SATB1: variants seen among roughly 807,000 people sequenced by gnomAD.
SATB1 encodes DNA-binding protein SATB1.
SATB1 carries 11 observed loss-of-function variants against 86.9 expected under a neutral mutation model. That is an observed-to-expected ratio of 0.13 (90% CI 0.08 to 0.21). SATB1 has a LOEUF of 0.21. Among genes scored for constraint, SATB1 ranks in the 10% least tolerant of loss-of-function variants. The pLI is 1.00. For synonymous variants in SATB1, 357 were observed against 357.2 expected (o/e 1.00, Z 0.01); for missense variants, 551 against 937.6 (o/e 0.59, Z 5.39).
At chr3:18,379,673 C>T (rs1483302902) in intron 8 of SATB1, among the ~76,000 whole-genome samples, 2 of 152,164 alleles carry the variant, frequency 1.3e-5, no homozygotes, top group Non-Finnish European at 2.9e-5. Context: ...TTAAAATGTG[C>T]CTGCTGAATC....
In SATB1 at chr3:18,443,759, G is replaced by A. The variant is rs1246615779; in HGVS notation, c.-25+1759C>T. On this transcript the variant is annotated intron_variant, in intron 1 of 3. Transcript: ENST00000415069. This position sits in a 1 kb window ranked among gnomAD's most constrained non-coding sequence, Gnocchi z 4.4. Reference sequence around the variant, plus strand: ...GCAATAGGAAAAGGCCACCGCGCTCGGGTCTGGACAGCAGGAGGGAAACAC... The same window carrying A: ...GCAATAGGAAAAGGCCACCGCGCTCAGGTCTGGACAGCAGGAGGGAAACAC... Among the ~76,000 whole-genome samples, 1 of 152,170 alleles carries A rather than the reference G, an allele frequency of 6.6e-6. No homozygotes were observed. The highest frequency in any genetic ancestry group is 1.5e-5 in the Non-Finnish European group (1 of 68,044).
At position 18,444,466 on chromosome 3, in the gene SATB1, C is replaced by A; in HGVS notation, c.-25+1052G>T. ...GAAGACCGTTGAAGCCCTGCGCCCA[C>A]GAGAGGGGAGCCCAGCCGCCCCAAT... On this transcript the variant is annotated intron_variant, in intron 1 of 3. Transcript: ENST00000415069. This position sits in a 1 kb window ranked among gnomAD's most constrained non-coding sequence, Gnocchi z 5.1. 4 of 474,982 alleles carry A rather than the reference C, an allele frequency of 8.4e-6. No individual in the cohort carries two copies. The highest frequency in any genetic ancestry group is 8.2e-6 in the Non-Finnish European group (3 of 363,790). The allele number at this position is 474,982 out of a possible 1,614,324, so 29.4% of individuals were successfully genotyped here. A position where few individuals can be genotyped will look rare whatever the true frequency, so the allele number is the denominator to read the frequency against.
In SATB1 at chr3:18,420,990, A is replaced by C; in HGVS notation, c.-23T>G. ...CATACTCAGTCACTGTCTAAAGATC[A>C]CCTGCCAGAATTTAAAAAGAAGACA... On this transcript the variant is annotated splice_region_variant and 5_prime_UTR_variant, in exon 2 of 11. The change abolishes the stop of an existing upstream ORF in the 5' untranslated region. Coordinates refer to ENST00000338745, the MANE Select transcript of SATB1 (RefSeq NM_002971.6). 2.5e-6 allele frequency: 4 copies of C among 1,609,062 alleles called. No homozygotes were observed. The highest frequency in any genetic ancestry group is 3.4e-6 in the Non-Finnish European group (4 of 1,175,554).
intron 5 of SATB1, among the ~76,000 whole-genome samples, chr3:18,400,425 T>G (rs561370157): frequency 5.3e-5 from 8 of 152,222 alleles, no homozygotes; most frequent in African/African-American, 1.9e-4. Flanking sequence ...GGTCAAATAG[T>G]TGACCATTCC....
At chr3:18,416,870 A>G in intron 3 of SATB1, 32 bp downstream of exon 3, 1 of 1,558,508 alleles carries the variant, frequency 6.4e-7, no homozygotes, top group South Asian at 1.2e-5. Flanking sequence ...AATGCTAAGC[A>G]ATTTTTCCAA....
chr3:18,432,967 C>A (rs1407751384), intron 2 of SATB1, among the ~76,000 whole-genome samples: 2 of 152,064 alleles, frequency 1.3e-5, no homozygotes, highest in Non-Finnish European at 2.9e-5. Context: ...TCCTTACCTG[C>A]TAACAGCTAC....
intron 3 of SATB1, 31 bp downstream of exon 3, chr3:18,416,871 A>C: frequency 1.3e-6 from 2 of 1,559,648 alleles, no homozygotes; most frequent in Non-Finnish European, 1.7e-6. Flanking sequence ...ATGCTAAGCA[A>C]TTTTTCCAAC....
Position 18,423,687 on chromosome 3 carries a change from G to T in SATB1, c.-85C>A, listed in dbSNP as rs1239005612. On this transcript the variant is annotated 5_prime_UTR_variant, in exon 1 of 11. Transcript: ENST00000338745. ...CAAAGGAGATTTCCTTTGCAGCCCG[G>T]GTTCTTGAAGAGAAGTTCAAGACTG... 1 of 150,436 alleles carries T rather than the reference G, an allele frequency of 6.6e-6. No individual in the cohort carries two copies. The highest frequency in any genetic ancestry group is 1.5e-5 in the Non-Finnish European group (1 of 67,770). The allele number at this position is 150,436 out of a possible 1,614,324, so 9.3% of individuals were successfully genotyped here.
At chr3:18,439,339 A>C (rs1037582110), upstream of SATB1, among the ~76,000 whole-genome samples, 4 of 152,218 alleles carry the variant, frequency 2.6e-5, no homozygotes, top group African/African-American at 9.6e-5. Context: ...AAAATAGGCC[A>C]ATATGTTGAA....
intron 2 of SATB1, among the ~76,000 whole-genome samples, chr3:18,436,306 TC>T (rs1699058264): frequency 6.6e-6 from 1 of 152,110 alleles, no homozygotes; most frequent in Admixed American, 6.5e-5. Context: ...GAGGCACTAG[TC>T]CATAATATTT....
chr3:18,378,729 A>G (rs1013265564), intron 8 of SATB1, among the ~76,000 whole-genome samples: 7 of 152,196 alleles, frequency 4.6e-5, no homozygotes, highest in African/African-American at 1.4e-4. Flanking sequence ...CCCGGTGCCT[A>G]ATAGACAATT....
chr3:18,406,452 T>C (rs1484276271), intron 5 of SATB1, among the ~76,000 whole-genome samples: 1 of 152,022 alleles, frequency 6.6e-6, no homozygotes, highest in African/African-American at 2.4e-5. Flanking sequence ...AGTGAAGAAG[T>C]GTGGGTCTCA....
At position 18,444,905 on chromosome 3, in the gene SATB1, G is replaced by A. The variant is rs1326538018; in HGVS notation, c.-25+613C>T. On this transcript the variant is annotated intron_variant, in intron 1 of 3. Transcript: ENST00000415069. This position sits in a 1 kb window ranked among gnomAD's most constrained non-coding sequence, Gnocchi z 5.1. Reference sequence around the variant, plus strand: ...GGAGGGGGAGGGAGGAGATGTTAACGGGCGGGGGGGGGAGAAGGGGGAGGG... The same window carrying A: ...GGAGGGGGAGGGAGGAGATGTTAACAGGCGGGGGGGGGAGAAGGGGGAGGG... 1 of 136,868 alleles carries A rather than the reference G, an allele frequency of 7.3e-6. No individual in the cohort carries two copies. The highest frequency in any genetic ancestry group is 1.6e-5 in the Non-Finnish European group (1 of 62,266). 8.5% of individuals were successfully genotyped at this position (136,868 alleles called of 1,614,324 possible). A position where few individuals can be genotyped will look rare whatever the true frequency, so the allele number is the denominator to read the frequency against.
chr3:18,415,047 C>T, intron 5 of SATB1, 64 bp downstream of exon 5: 1 of 1,585,216 alleles, frequency 6.3e-7, no homozygotes, highest in Middle Eastern at 1.7e-4. Context: ...CAGGGAGCTC[C>T]ATCAAACCTC....
chr3:18,431,548 G>A (rs527281657), intron 2 of SATB1, among the ~76,000 whole-genome samples: 52 of 152,270 alleles, frequency 3.4e-4, no homozygotes, highest in Non-Finnish European at 1.0e-4. Context: ...AATCAGAATG[G>A]CTGAGGATGA....
chr3:18,415,101 T>C lies in SATB1; in HGVS notation c.639+10A>G, dbSNP rs1300123262. On this transcript the variant is annotated intron_variant, in intron 5 of 10. Coordinates refer to ENST00000338745, the MANE Select transcript of SATB1 (RefSeq NM_002971.6). ...ATGTCTTATTATTTATTACATTCTA[T>C]GCTAAGTACCTGTGAAAGGGGGCAC... is the stretch of plus-strand genomic sequence containing the variant. The C allele has an allele frequency of 6.2e-7, 1 of 1,612,490 alleles. No homozygotes were observed. Among genetic ancestry groups the C allele is most frequent in the Non-Finnish European group, 8.5e-7 (1 of 1,178,910 alleles).
chr3:18,419,803 C>CA (rs1276756781), intron 2 of SATB1, among the ~76,000 whole-genome samples: 1 of 152,128 alleles, frequency 6.6e-6, no homozygotes, highest in African/African-American at 2.4e-5. Context: ...AAAGATCTAA[C>CA]AATACGGACT....
chr3:18,417,534 C>T, intron 2 of SATB1: 1 of 614,766 alleles, frequency 1.6e-6, no homozygotes, highest in East Asian at 2.8e-5. Flanking sequence ...GGGTTTGTGT[C>T]CAAACAAATT....
At chr3:18,357,777 C>T (rs1481096147) in intron 9 of SATB1, among the ~76,000 whole-genome samples, 1 of 151,784 alleles carries the variant, frequency 6.6e-6, no homozygotes, top group African/African-American at 2.4e-5. Flanking sequence ...AGTATAGTTA[C>T]AGAAGGGTTC....
Sources: allele counts gnomAD v4.1 joint callset (sites outside exome capture counted in the v4.1 genomes callset), GRCh38; gene constraint gnomAD v4.1.1; non-coding constraint Gnocchi (gnomAD v3.1); transcripts MANE v1.5; gene names NCBI Gene and HGNC (gene_info 2026-07-23, HGNC 2026-07-21).